Variants in PLXDC2 observed in about 807,000 individuals in gnomAD.
The protein encoded by PLXDC2 is plexin domain containing 2, also known as plexin domain-containing protein 2.
A neutral mutation model predicts 68.9 loss-of-function variants in PLXDC2; 40 were observed. The ratio of observed to expected loss-of-function variants is 0.58; its 90% CI spans 0.45 to 0.76. PLXDC2 has a LOEUF of 0.76. Among genes scored for constraint, PLXDC2 ranks in the 30% least tolerant of loss-of-function variants. PLXDC2 has a pLI of 0.00. For synonymous variants in PLXDC2, 243 were observed against 234.2 expected (o/e 1.04, Z -0.34); for missense variants, 644 against 661.9 (o/e 0.97, Z 0.30).
chr10:19,832,608 A>T (rs1836716011), intron 1 of PLXDC2, among the ~76,000 whole-genome samples: 1 of 152,218 alleles, frequency 6.6e-6, no homozygotes, highest in Non-Finnish European at 1.5e-5. Context: ...GGGTAACTTC[A>T]GTTGGAAGAT....
At chr10:20,067,169 A>G (rs1836225481) in intron 3 of PLXDC2, among the ~76,000 whole-genome samples, 1 of 152,178 alleles carries the variant, frequency 6.6e-6, no homozygotes, top group African/African-American at 2.4e-5. Flanking sequence ...TAGACACTAT[A>G]TACCTGTTGA....
At chr10:20,001,209 C>G (rs541646512) in intron 1 of PLXDC2, among the ~76,000 whole-genome samples, 17 of 152,132 alleles carry the variant, frequency 1.1e-4, no homozygotes, top group Non-Finnish European at 2.4e-4. Context: ...ATGGGTCAGG[C>G]AATGAATGAA....
At chr10:19,848,517 C>T (rs1033967595) in intron 1 of PLXDC2, among the ~76,000 whole-genome samples, 2 of 152,032 alleles carry the variant, frequency 1.3e-5, no homozygotes, top group East Asian at 1.9e-4. Context: ...CTCTTCCATG[C>T]GAATACAAAT....
At chr10:19,839,544 A>T (rs1034828325) in intron 1 of PLXDC2, among the ~76,000 whole-genome samples, 5 of 151,966 alleles carry the variant, frequency 3.3e-5, no homozygotes, top group African/African-American at 1.2e-4. Context: ...ATGAATTATT[A>T]ATTCTGTGTA....
intron 2 of PLXDC2, among the ~76,000 whole-genome samples, chr10:20,021,170 TTC>T (rs765841285): frequency 7.7e-4 from 117 of 151,940 alleles, no homozygotes; most frequent in Non-Finnish European, 1.2e-3. Flanking sequence ...GCTCAAAATC[TTC>T]TTATGGTAAC....
chr10:19,966,370 A>AAAAATATATATGTGCACATATAT (rs1488837422), intron 1 of PLXDC2, among the ~76,000 whole-genome samples: 2 of 133,476 alleles, frequency 1.5e-5, no homozygotes, highest in African/African-American at 2.8e-5. Context: ...CACATATATA[A>AAAAATATATATGTGCACATATAT]AAAATATATA....
intron 2 of PLXDC2, among the ~76,000 whole-genome samples, chr10:20,004,710 T>G (rs1834998362): frequency 6.6e-6 from 1 of 152,210 alleles, no homozygotes; most frequent in Admixed American, 6.5e-5. Context: ...TGCTGAATTT[T>G]CTTAATCATT....
intron 9 of PLXDC2, among the ~76,000 whole-genome samples, chr10:20,200,182 A>G (rs1006473458): frequency 6.6e-6 from 1 of 151,958 alleles, no homozygotes; most frequent in African/African-American, 2.4e-5. Flanking sequence ...TTACAGACAC[A>G]TGGTATATTT....
intron 1 of PLXDC2, among the ~76,000 whole-genome samples, chr10:19,853,111 T>C (rs1837151620): frequency 6.6e-6 from 1 of 152,104 alleles, no homozygotes; most frequent in Non-Finnish European, 1.5e-5. Context: ...ATACAGAAAA[T>C]AGAGTACAGT....
chr10:19,838,745 G>A (rs1203436043), intron 1 of PLXDC2, among the ~76,000 whole-genome samples: 9 of 152,340 alleles, frequency 5.9e-5, no homozygotes, highest in Admixed American at 5.2e-4. Context: ...ATAAATAAGT[G>A]TGATATAATT....
intron 10 of PLXDC2, 75 bp from the exon 11 acceptor site, chr10:20,217,351 C>A: frequency 2.2e-6 from 3 of 1,359,370 alleles, no homozygotes; most frequent in East Asian, 2.4e-5. Flanking sequence ...CTTTACAGCC[C>A]AGCTTCTTTG....
At chr10:19,846,546 C>T (rs1350512239) in intron 1 of PLXDC2, among the ~76,000 whole-genome samples, 1 of 152,130 alleles carries the variant, frequency 6.6e-6, no homozygotes, top group African/African-American at 2.4e-5. Context: ...CTACTATAAA[C>T]TTTTTTGGTC....
At chr10:19,887,665 T>C (rs1186511478) in intron 1 of PLXDC2, among the ~76,000 whole-genome samples, 2 of 152,228 alleles carry the variant, frequency 1.3e-5, no homozygotes, top group African/African-American at 4.8e-5. Flanking sequence ...ATGTCACACA[T>C]GTAAAATCTA....
intron 1 of PLXDC2, among the ~76,000 whole-genome samples, chr10:19,825,307 G>A (rs1836550155): frequency 6.6e-6 from 1 of 152,148 alleles, no homozygotes; most frequent in African/African-American, 2.4e-5. Context: ...AATATGGAGA[G>A]AATGTTAAGA....
intron 1 of PLXDC2, among the ~76,000 whole-genome samples, chr10:19,974,882 G>A (rs771917572): frequency 6.6e-6 from 1 of 152,236 alleles, no homozygotes; most frequent in South Asian, 2.1e-4. Context: ...GATTCTCAAA[G>A]GCAGCTTGTT....
At chr10:20,217,314 C>T in intron 10 of PLXDC2, 112 bp from the exon 11 acceptor site, 3 of 909,454 alleles carry the variant, frequency 3.3e-6, no homozygotes, top group Non-Finnish European at 3.1e-6. Context: ...TAATTTATTC[C>T]TTGTCTTGAT....
intron 1 of PLXDC2, among the ~76,000 whole-genome samples, chr10:19,975,067 T>C (rs1834426097): frequency 6.6e-6 from 1 of 152,216 alleles, no homozygotes. Context: ...TCACTTCTTT[T>C]TAGCTATTTT....
At chr10:20,170,738 A>G (rs1164598307) in intron 7 of PLXDC2, among the ~76,000 whole-genome samples, 3 of 152,100 alleles carry the variant, frequency 2.0e-5, no homozygotes, top group African/African-American at 7.2e-5. Context: ...AGTGAGCCTG[A>G]GCAATTGAAT....
At chr10:20,031,162 G>T (rs1433793120) in intron 2 of PLXDC2, among the ~76,000 whole-genome samples, 1 of 152,082 alleles carries the variant, frequency 6.6e-6, no homozygotes, top group Admixed American at 6.6e-5. Flanking sequence ...GAGGCCAGGG[G>T]TTCAAGACCA....
Sources: gnomAD v4.1 joint callset for allele counts (sites outside exome capture counted in the v4.1 genomes callset) on GRCh38, gnomAD v4.1.1 for gene constraint, MANE v1.5 for transcripts, NCBI Gene and HGNC (gene_info 2026-07-23, HGNC 2026-07-21) for gene names.